Variants in PDE4DIP observed in about 807,000 individuals in gnomAD.
PDE4DIP encodes the protein phosphodiesterase 4D interacting protein.
A neutral mutation model predicts 221.4 loss-of-function variants in PDE4DIP; 59 were observed. The ratio of observed to expected loss-of-function variants is 0.27; its 90% CI spans 0.22 to 0.33. The LOEUF (loss-of-function observed/expected upper bound fraction) is 0.33, where lower values mean the gene tolerates loss of function less well. Ranked by LOEUF, PDE4DIP falls within the 10% of genes least tolerant of loss-of-function variation. The pLI is 1.00. For synonymous variants in PDE4DIP, 404 were observed against 815.9 expected (o/e 0.50, Z 8.60); for missense variants, 1,036 against 2,154.2 (o/e 0.48, Z 10.28).
Position 148,920,052 on chromosome 1 carries a change from T to C in PDE4DIP, c.142-9145T>C, listed in dbSNP as rs1472193049. On this transcript the variant is annotated intron_variant, in intron 1 of 43. Coordinates refer to ENST00000369354, the Ensembl canonical transcript of PDE4DIP. ...GGTTTTGGCAATCTTTAATCTCCAA[T>C]ACTTTCTTGTCGACTTTATCAATGA... 3.4e-5 allele frequency among the ~76,000 whole-genome samples: 5 copies of C among 148,846 alleles called. No homozygotes were observed. In the South Asian group the frequency reaches 8.5e-4, roughly 25 times the overall value.
intron 1 of PDE4DIP, among the ~76,000 whole-genome samples, chr1:148,821,965 C>A (rs1359857005): frequency 2.0e-5 from 3 of 147,046 alleles, no homozygotes; most frequent in Non-Finnish European, 3.0e-5. Context: ...CCTGCAGATC[C>A]CGAAAACAAA....
chr1:148,820,833 A>T (rs1313076797), intron 1 of PDE4DIP, among the ~76,000 whole-genome samples: 4,091 of 92,308 alleles, frequency 0.044, 1 homozygote, highest in East Asian at 0.18. Flanking sequence ...TGATCTGATT[A>T]TTTATTTATT....
At chr1:149,007,467 TCA>T (rs2067370220) in intron 28 of PDE4DIP, 31 bp downstream of exon 31, 1 of 599,418 alleles carries the variant, frequency 1.7e-6, no homozygotes, top group Non-Finnish European at 3.0e-6. Flanking sequence ...TGGAATACTC[TCA>T]GTCACCCCCA....
At chr1:149,011,151 T>A (rs1349282027) in intron 31 of PDE4DIP, among the ~76,000 whole-genome samples, 1 of 150,610 alleles carries the variant, frequency 6.6e-6, no homozygotes, top group Non-Finnish European at 1.5e-5. Context: ...TGCATTTCAT[T>A]TACAAGTTCA....
intron 38 of PDE4DIP, among the ~76,000 whole-genome samples, chr1:149,025,289 G>A (rs61805028): frequency 1.3e-5 from 2 of 151,992 alleles, no homozygotes; most frequent in Admixed American, 1.3e-4. Flanking sequence ...ATTGTGCCCT[G>A]TCTCAGTATT....
At chr1:148,955,970 T>C (rs1194775259) in intron 5 of PDE4DIP, among the ~76,000 whole-genome samples, 1 of 152,040 alleles carries the variant, frequency 6.6e-6, no homozygotes, top group Non-Finnish European at 1.5e-5. Context: ...GGAAAATAGA[T>C]GAATTGGGCC....
chr1:148,926,641 G>C (rs1159900902), intron 1 of PDE4DIP, among the ~76,000 whole-genome samples: 3 of 149,832 alleles, frequency 2.0e-5, no homozygotes, highest in African/African-American at 7.3e-5. Flanking sequence ...GTAGGTTTAT[G>C]AATGAGGAAA....
At chr1:149,032,279 G>T in exon 44 of PDE4DIP, 1 of 598,434 alleles carries the variant, frequency 1.7e-6, no homozygotes. Flanking sequence ...TTGTGATCCT[G>T]CCTCTCAACA....
chr1:148,824,002 GTC>G (rs1318743147), intron 1 of PDE4DIP, among the ~76,000 whole-genome samples: 6 of 147,782 alleles, frequency 4.1e-5, no homozygotes, highest in Non-Finnish European at 3.0e-5. Flanking sequence ...GGAGAGCTGG[GTC>G]TCTAACTCCA....
chr1:148,952,621 A>T (rs2053753071), intron 5 of PDE4DIP: 2 of 1,393,802 alleles, frequency 1.4e-6, no homozygotes, highest in Non-Finnish European at 1.8e-6. Flanking sequence ...CGCGCGGGGC[A>T]GGGGCGCGCC....
intron 21 of PDE4DIP, chr1:148,989,097 A>G (rs2062473943): frequency 4.7e-6 from 1 of 214,674 alleles, no homozygotes; most frequent in East Asian, 1.6e-4. Flanking sequence ...AAAAAATGGA[A>G]AATGGTAAAA....
At chr1:148,971,056 G>T (rs1368479232) in intron 14 of PDE4DIP, among the ~76,000 whole-genome samples, 1 of 151,930 alleles carries the variant, frequency 6.6e-6, no homozygotes, top group Non-Finnish European at 1.5e-5. Flanking sequence ...CTGTTTAAAT[G>T]CAGACTTCCT....
chr1:149,019,998 G>T, intron 35 of PDE4DIP, 149 bp from the exon 39 acceptor site: 2 of 597,338 alleles, frequency 3.3e-6, no homozygotes, highest in Non-Finnish European at 6.0e-6. Flanking sequence ...GGCTCTGGGG[G>T]ATGTTGAGCC....
At chr1:148,963,360 G>T (rs138611515) in intron 9 of PDE4DIP, among the ~76,000 whole-genome samples, 1 of 152,182 alleles carries the variant, frequency 6.6e-6, no homozygotes, top group Non-Finnish European at 1.5e-5. Context: ...GGCGACTGCC[G>T]TATTGAGTTG....
intron 1 of PDE4DIP, among the ~76,000 whole-genome samples, chr1:148,828,571 C>A (rs1553366900): frequency 6.6e-6 from 1 of 151,132 alleles, no homozygotes; most frequent in East Asian, 1.9e-4. Context: ...ATTTATTGAC[C>A]CTAACATCAG....
chr1:148,998,143 C>G (rs1553567963), exon 23 of PDE4DIP: 1 of 1,007,012 alleles, frequency 9.9e-7, no homozygotes, highest in African/African-American at 1.6e-5. Flanking sequence ...TTTCTTTTAG[C>G]TTGTCAAGGT....
exon 3 of PDE4DIP, chr1:148,931,923 G>C (rs1553470288): frequency 6.3e-7 from 1 of 1,576,206 alleles, no homozygotes; most frequent in African/African-American, 1.4e-5. Context: ...TTCTGCAGGA[G>C]GTGAGGAGTT....
intron 1 of PDE4DIP, among the ~76,000 whole-genome samples, chr1:148,820,716 G>A (rs1232463032): frequency 1.7e-4 from 17 of 98,260 alleles, no homozygotes; most frequent in South Asian, 2.9e-4. Context: ...TTTTTTTTTG[G>A]GGGGGGGGTG....
chr1:148,958,579 A>ACTGCTC (rs1553505000), intron 5 of PDE4DIP, among the ~76,000 whole-genome samples: 1 of 151,762 alleles, frequency 6.6e-6, no homozygotes, highest in Non-Finnish European at 1.5e-5. Context: ...TAAGCTAGCC[A>ACTGCTC]CTAGTCTTAG....
Sources: gnomAD v4.1 joint callset for allele counts (sites outside exome capture counted in the v4.1 genomes callset) on GRCh38, gnomAD v4.1.1 for gene constraint, MANE v1.5 for transcripts, NCBI Gene and HGNC (gene_info 2026-07-23, HGNC 2026-07-21) for gene names.